The following LINGO1 variants were observed in gnomAD, a reference collection of about 807,000 sequenced individuals.
LINGO1 encodes the protein leucine rich repeat and Ig domain containing 1, also known as leucine-rich repeat and immunoglobulin-like domain-containing nogo receptor-interacting protein 1.
Under a neutral mutation model 37.3 loss-of-function variants are expected in LINGO1, and 11 were observed. The ratio of observed to expected loss-of-function variants is 0.29; its 90% CI spans 0.19 to 0.49. The LOEUF is 0.49. Ranked by LOEUF, LINGO1 falls within the 20% of genes least tolerant of loss-of-function variation. The probability of loss-of-function intolerance (pLI) is 0.99; values close to 1 mark genes in which losing one functional copy is unlikely to be tolerated. For synonymous variants in LINGO1, 387 were observed against 403.0 expected (o/e 0.96, Z 0.48); for missense variants, 585 against 878.2 (o/e 0.67, Z 4.22).
At chr15:77,712,363 G>A (rs918269045) in intron 2 of LINGO1, among the ~76,000 whole-genome samples, 2 of 151,708 alleles carry the variant, frequency 1.3e-5, no homozygotes, top group East Asian at 3.9e-4. Flanking sequence ...TGGTGAGCTT[G>A]AGTTCCATGG....
chr15:77,650,036 G>A (rs1321173241), intron 3 of LINGO1, among the ~76,000 whole-genome samples: 2 of 152,220 alleles, frequency 1.3e-5, no homozygotes, highest in African/African-American at 2.4e-5. Flanking sequence ...TGGGAGAGGT[G>A]ATAAATACCA....
intron 3 of LINGO1, among the ~76,000 whole-genome samples, chr15:77,662,113 G>C (rs1027893514): frequency 1.3e-5 from 2 of 152,184 alleles, no homozygotes; most frequent in Non-Finnish European, 2.9e-5. Context: ...ACCTTTTCCA[G>C]CTCCATACCC....
chr15:77,772,743 C>T (rs1040316323), intron 1 of LINGO1, among the ~76,000 whole-genome samples: 2 of 152,032 alleles, frequency 1.3e-5, no homozygotes, highest in African/African-American at 4.8e-5. Flanking sequence ...TTTGAAAATC[C>T]CTGTGGACAG....
rs757600962 is a variant in LINGO1 at position 77,614,921 on chromosome 15, T to C, written c.986A>G (p.Tyr329Cys). The change falls in exon 2 of 2, where the codon TAT (tyrosine) becomes TGT (cysteine). Residue 329 changes from tyrosine (Y) to cysteine (C), a missense_variant. Coordinates refer to ENST00000355300, the MANE Select transcript of LINGO1 (RefSeq NM_032808.7). ...CAGGTAGTTGAGGCCGCGGAAGGCATAGGGCTCCACCACGGCCAGCTGCCC... is the reference window on the plus strand; with the variant it reads ...CAGGTAGTTGAGGCCGCGGAAGGCACAGGGCTCCACCACGGCCAGCTGCCC... The part of the protein sequence containing the change: ...VGGQLAVVEP[Y>C]AFRGLNYLRV... 7.4e-6 allele frequency: 12 copies of C among 1,613,742 alleles called. No homozygotes were observed. The highest frequency in any genetic ancestry group is 1.0e-5 in the Non-Finnish European group (12 of 1,179,852).
intron 2 of LINGO1, among the ~76,000 whole-genome samples, chr15:77,704,295 C>T (rs2075820869): frequency 6.6e-6 from 1 of 152,186 alleles, no homozygotes; most frequent in Non-Finnish European, 1.5e-5. Flanking sequence ...GCAGGGCCTC[C>T]AATCTGCCCC....
At chr15:77,710,813 G>A (rs1393736774) in intron 2 of LINGO1, among the ~76,000 whole-genome samples, 1 of 152,264 alleles carries the variant, frequency 6.6e-6, no homozygotes, top group Non-Finnish European at 1.5e-5. Context: ...GTGCCGGGCC[G>A]CCAGGCCCCC....
intron 1 of LINGO1, among the ~76,000 whole-genome samples, chr15:77,624,910 T>C (rs1309265183): frequency 6.6e-6 from 1 of 152,020 alleles, no homozygotes; most frequent in African/African-American, 2.4e-5. Flanking sequence ...TCTCATGTCT[T>C]GAGATGCCAA....
intron 2 of LINGO1, among the ~76,000 whole-genome samples, chr15:77,728,693 A>G (rs1234046076): frequency 6.6e-6 from 1 of 152,140 alleles, no homozygotes; most frequent in Non-Finnish European, 1.5e-5. Context: ...CCTTGGGAGG[A>G]GCCATGAAGA....
At chr15:77,737,493 G>A (rs1291072103) in intron 1 of LINGO1, among the ~76,000 whole-genome samples, 1 of 151,872 alleles carries the variant, frequency 6.6e-6, no homozygotes, top group African/African-American at 2.4e-5. Context: ...GAGGGAAGGA[G>A]GGAAATTCCT....
chr15:77,775,652 T>C (rs183455595), intron 1 of LINGO1, among the ~76,000 whole-genome samples: 110 of 152,248 alleles, frequency 7.2e-4, no homozygotes, highest in Middle Eastern at 3.4e-3. Context: ...ATCACACTCA[T>C]TGCTCCTTGT....
chr15:77,701,134 C>G (rs1268514937), upstream of LINGO1, among the ~76,000 whole-genome samples: 1 of 152,212 alleles, frequency 6.6e-6, no homozygotes, highest in Non-Finnish European at 1.5e-5. Flanking sequence ...AATGACAGAG[C>G]TGGGATGCAC....
chr15:77,616,291 T>C (rs8027905), intron 1 of LINGO1, among the ~76,000 whole-genome samples: 114,784 of 152,122 alleles, frequency 0.75, 44,152 homozygotes, highest in African/African-American at 0.92. Flanking sequence ...GCTGAGCCGC[T>C]CTTGGGCTCA....
intron 3 of LINGO1, among the ~76,000 whole-genome samples, chr15:77,639,510 G>A (rs766420862): frequency 2.0e-5 from 3 of 151,866 alleles, no homozygotes; most frequent in Non-Finnish European, 2.9e-5. Context: ...ATGAGCACAC[G>A]AGGGCAAGCA....
intron 1 of LINGO1, among the ~76,000 whole-genome samples, chr15:77,750,638 C>A (rs1220752948): frequency 6.6e-6 from 1 of 152,250 alleles, no homozygotes; most frequent in Non-Finnish European, 1.5e-5. Flanking sequence ...GCCAACAATA[C>A]GGCTTTTACC....
intron 1 of LINGO1, among the ~76,000 whole-genome samples, chr15:77,621,809 G>A (rs2073931369): frequency 6.6e-6 from 1 of 152,264 alleles, no homozygotes; most frequent in Non-Finnish European, 1.5e-5. Flanking sequence ...ATGTGGGGCT[G>A]GCTGAAGCAC....
intron 3 of LINGO1, among the ~76,000 whole-genome samples, chr15:77,653,635 G>A (rs927435781): frequency 1.3e-5 from 2 of 152,172 alleles, no homozygotes; most frequent in Admixed American, 1.3e-4. Context: ...GAGTGAGGGT[G>A]TCCGTCCGCT....
intron 3 of LINGO1, among the ~76,000 whole-genome samples, chr15:77,667,309 C>A (rs536354099): frequency 6.6e-6 from 1 of 152,292 alleles, no homozygotes; most frequent in Non-Finnish European, 1.5e-5. Context: ...ATCTGGATGG[C>A]CCTCAATGGA....
At chr15:77,724,621 TA>T (rs1355211939) in intron 2 of LINGO1, among the ~76,000 whole-genome samples, 3 of 152,118 alleles carry the variant, frequency 2.0e-5, no homozygotes, top group African/African-American at 7.2e-5. Flanking sequence ...GAAGTGGAGA[TA>T]ATAAGGTCAG....
intron 3 of LINGO1, among the ~76,000 whole-genome samples, chr15:77,659,245 C>A (rs955472313): frequency 6.6e-6 from 1 of 152,102 alleles, no homozygotes; most frequent in African/African-American, 2.4e-5. Flanking sequence ...CCTTTCCTGC[C>A]GTCCCCAGAA....
Sources: gnomAD v4.1 joint callset for allele counts (sites outside exome capture counted in the v4.1 genomes callset) on GRCh38, gnomAD v4.1.1 for gene constraint, MANE v1.5 for transcripts, NCBI Gene and HGNC (gene_info 2026-07-23, HGNC 2026-07-21) for gene names.